Variants in ZNF385D observed in about 807,000 individuals in gnomAD.
ZNF385D encodes zinc finger protein 659.
Under a neutral mutation model 35.8 loss-of-function variants are expected in ZNF385D, and 15 were observed. The observed-to-expected ratio is 0.42, with a 90% CI of 0.28 to 0.64. The LOEUF (loss-of-function observed/expected upper bound fraction) is 0.64. Among genes scored for constraint, ZNF385D ranks in the 30% least tolerant of loss-of-function variants. The pLI is 0.23. For missense variants in ZNF385D, 474 were observed against 494.6 expected (o/e 0.96, Z 0.39); for synonymous variants, 212 against 186.8 (o/e 1.13, Z -1.10).
chr3:21,784,026 A>T (rs2071592060), intron 3 of ZNF385D, among the ~76,000 whole-genome samples: 1 of 152,068 alleles, frequency 6.6e-6, no homozygotes, highest in Non-Finnish European at 1.5e-5. Flanking sequence ...GTACAGTGTT[A>T]TCAGCATTGC....
At chr3:21,480,571 G>A (rs574219345) in intron 4 of ZNF385D, among the ~76,000 whole-genome samples, 10 of 152,000 alleles carry the variant, frequency 6.6e-5, no homozygotes, top group Admixed American at 2.6e-4. Context: ...CATACAGCCC[G>A]GTCACCCAGC....
chr3:21,546,321 A>G (rs1243502854), intron 3 of ZNF385D, among the ~76,000 whole-genome samples: 1 of 152,096 alleles, frequency 6.6e-6, no homozygotes, highest in African/African-American at 2.4e-5. Flanking sequence ...TGCAAATCCT[A>G]TCCGGTGATG....
intron 3 of ZNF385D, among the ~76,000 whole-genome samples, chr3:21,863,447 A>G (rs1219469646): frequency 6.6e-6 from 1 of 152,148 alleles, no homozygotes; most frequent in African/African-American, 2.4e-5. Flanking sequence ...CTCATATCGA[A>G]AGTTTGTCTT....
At chr3:22,042,372 G>C (rs542151835) in intron 3 of ZNF385D, among the ~76,000 whole-genome samples, 2 of 151,922 alleles carry the variant, frequency 1.3e-5, no homozygotes, top group East Asian at 3.9e-4. Context: ...TACAGTTGAC[G>C]ATGAATACTT....
chr3:22,049,285 A>T (rs1699200203), intron 3 of ZNF385D, among the ~76,000 whole-genome samples: 2 of 149,636 alleles, frequency 1.3e-5, no homozygotes, highest in African/African-American at 5.0e-5. Context: ...AACAAGAGCG[A>T]AACTCAATCT....
At chr3:22,142,097 G>A (rs7629007) in intron 3 of ZNF385D, among the ~76,000 whole-genome samples, 23,803 of 152,148 alleles carry the variant, frequency 0.16, 2,225 homozygotes, top group African/African-American at 0.26. Flanking sequence ...GGCACAAAGA[G>A]CTTGAAAGAA....
chr3:21,647,629 A>C (rs1342768452), intron 2 of ZNF385D, among the ~76,000 whole-genome samples: 1 of 152,158 alleles, frequency 6.6e-6, no homozygotes, highest in Non-Finnish European at 1.5e-5. Flanking sequence ...CTTTCACTGT[A>C]AGTCTGTTTA....
chr3:22,000,901 G>C (rs996735780), intron 3 of ZNF385D, among the ~76,000 whole-genome samples: 5 of 124,386 alleles, frequency 4.0e-5, no homozygotes, highest in Admixed American at 7.1e-5. Flanking sequence ...ATATTTAAGG[G>C]AGTTTTTTTT....
intron 2 of ZNF385D, among the ~76,000 whole-genome samples, chr3:22,244,231 A>C (rs953784529): frequency 6.6e-6 from 1 of 150,520 alleles, no homozygotes; most frequent in Non-Finnish European, 1.5e-5. Flanking sequence ...AGTTTGCCAC[A>C]ATATGTTGTT....
intron 4 of ZNF385D, among the ~76,000 whole-genome samples, chr3:21,456,803 T>A (rs1702854059): frequency 6.6e-6 from 1 of 152,148 alleles, no homozygotes; most frequent in South Asian, 2.1e-4. Flanking sequence ...GGAATGCTTT[T>A]CCCCAGATAG....
intron 2 of ZNF385D, among the ~76,000 whole-genome samples, chr3:22,309,279 T>C (rs1411001295): frequency 2.3e-5 from 2 of 87,448 alleles, no homozygotes; most frequent in African/African-American, 1.0e-4. Context: ...AAATGAGTTT[T>C]TACTTGTAAT....
chr3:21,837,036 A>G (rs1047113403), intron 3 of ZNF385D, among the ~76,000 whole-genome samples: 2 of 152,140 alleles, frequency 1.3e-5, no homozygotes, highest in African/African-American at 4.8e-5. Flanking sequence ...AAAGGGCTGT[A>G]AAAAATTCAA....
intron 1 of ZNF385D, among the ~76,000 whole-genome samples, chr3:21,725,529 C>T (rs1380914887): frequency 6.6e-6 from 1 of 152,154 alleles, no homozygotes; most frequent in Non-Finnish European, 1.5e-5. Flanking sequence ...GAAATACAAA[C>T]TACCATCAGA....
chr3:21,739,987 T>G (rs1399233641), intron 1 of ZNF385D, among the ~76,000 whole-genome samples: 1 of 152,116 alleles, frequency 6.6e-6, no homozygotes, highest in Non-Finnish European at 1.5e-5. Flanking sequence ...TTGCCCAACT[T>G]CTCCCCAGTC....
chr3:21,440,768 T>C (rs1701819117), intron 4 of ZNF385D, among the ~76,000 whole-genome samples: 1 of 152,126 alleles, frequency 6.6e-6, no homozygotes, highest in Non-Finnish European at 1.5e-5. Context: ...AAAAACAGAA[T>C]TATAACCAGT....
rs1303984669 is a variant in ZNF385D, at chr3:21,742,520, G to A, written c.22+8375C>T. Among the ~76,000 whole-genome samples, 6 of 152,334 alleles carry A rather than the reference G, an allele frequency of 3.9e-5. No homozygotes were observed. The East Asian group carries it at 7.7e-4, about 20-fold the overall frequency. On this transcript the variant is annotated intron_variant, in intron 1 of 7. Coordinates refer to ENST00000281523, the MANE Select transcript of ZNF385D (RefSeq NM_024697.3). Reference sequence around the variant, plus strand: ...ACAGACGTAGAGGCTAAAGCCTGCAGGATACATTTCCCAGGCCACCTCAGT... The same window carrying A: ...ACAGACGTAGAGGCTAAAGCCTGCAAGATACATTTCCCAGGCCACCTCAGT...
intron 3 of ZNF385D, among the ~76,000 whole-genome samples, chr3:21,953,262 C>CT (rs35256658): frequency 0.27 from 39,639 of 147,198 alleles, 5,892 homozygotes; most frequent in Admixed American, 0.41. Flanking sequence ...CAGAATAAAA[C>CT]TTTTTTTTTT....
intron 2 of ZNF385D, among the ~76,000 whole-genome samples, chr3:22,230,356 C>G (rs746619059): frequency 6.6e-6 from 1 of 152,104 alleles, no homozygotes; most frequent in Non-Finnish European, 1.5e-5. Flanking sequence ...TTCTGGCTCA[C>G]GTTACTTCCA....
intron 3 of ZNF385D, among the ~76,000 whole-genome samples, chr3:21,522,430 C>G (rs1707966145): frequency 6.6e-6 from 1 of 152,174 alleles, no homozygotes; most frequent in East Asian, 1.9e-4. Flanking sequence ...AACTCCGCCT[C>G]CTGGGTTCAA....
Sources: allele counts gnomAD v4.1 joint callset (sites outside exome capture counted in the v4.1 genomes callset), GRCh38; gene constraint gnomAD v4.1.1; transcripts MANE v1.5; gene names NCBI Gene and HGNC (gene_info 2026-07-23, HGNC 2026-07-21).